Variants in SEPTIN14 observed in about 807,000 individuals in gnomAD.
The protein encoded by SEPTIN14 is septin-14.
In SEPTIN14, 40 loss-of-function variants were observed where a neutral mutation model predicts 53.6. The observed-to-expected ratio is 0.75, with a 90% CI of 0.58 to 0.97. The LOEUF is 0.97. Ranked by LOEUF, SEPTIN14 falls within the 50% of genes least tolerant of loss-of-function variation. SEPTIN14 has a pLI of 0.00. For synonymous variants in SEPTIN14, 138 were observed against 166.8 expected (o/e 0.83, Z 1.33); for missense variants, 471 against 508.2 (o/e 0.93, Z 0.70).
rs1311720756 is a variant in SEPTIN14, at chr7:55,805,400, A to G, written c.987-10T>C. 20 of 1,548,982 alleles carry G rather than the reference A, an allele frequency of 1.3e-5. No individual in the cohort carries two copies. The highest frequency in any genetic ancestry group is 1.6e-5 in the Non-Finnish European group (18 of 1,143,466). On this transcript the variant is annotated splice_polypyrimidine_tract_variant and intron_variant, in intron 8 of 9. Coordinates refer to ENST00000388975, the MANE Select transcript of SEPTIN14 (RefSeq NM_207366.3). ...AAAGATTTCTTGAAAACTAAAGAGA[A>G]ATGTTTTCTTAGTCTTATATTAAAA...
At chr7:55,828,602 C>A (rs1020755774) in intron 6 of SEPTIN14, among the ~76,000 whole-genome samples, 2 of 152,020 alleles carry the variant, frequency 1.3e-5, no homozygotes, top group Non-Finnish European at 2.9e-5. Flanking sequence ...CTGCACCCGG[C>A]CAGATGAAAG....
chr7:55,807,519 T>G (rs1788628682), intron 7 of SEPTIN14, among the ~76,000 whole-genome samples: 1 of 152,168 alleles, frequency 6.6e-6, no homozygotes, highest in South Asian at 2.1e-4. Flanking sequence ...TGAAATAATA[T>G]TTTATGTGCA....
At chr7:55,831,219 TAATGG>T (rs1349656291) in intron 6 of SEPTIN14, among the ~76,000 whole-genome samples, 2 of 151,948 alleles carry the variant, frequency 1.3e-5, no homozygotes, top group African/African-American at 4.8e-5. Context: ...ACAGACAGAT[TAATGG>T]AATGGAATAA....
At chr7:55,833,551 C>A (rs2116029741) in intron 6 of SEPTIN14, among the ~76,000 whole-genome samples, 1 of 151,766 alleles carries the variant, frequency 6.6e-6, no homozygotes, top group South Asian at 2.1e-4. Flanking sequence ...GTACTAAAAA[C>A]ACAAAAATTA....
Position 55,824,746 on chromosome 7 carries a change from G to A in SEPTIN14, c.721-5523C>T, listed in dbSNP as rs190777133. Among the ~76,000 whole-genome samples, 7 of 152,064 alleles carry A rather than the reference G, an allele frequency of 4.6e-5. No homozygotes were observed. In the South Asian group the frequency reaches 6.2e-4, roughly 14 times the overall value. ...GGAGGTTGCAGTGAGCCAAGATCAC[G>A]CCACTGCACTCCAGCCTGGGTGACA... is the stretch of plus-strand genomic sequence containing the variant. On this transcript the variant is annotated intron_variant, in intron 6 of 9. Transcript: ENST00000388975.
At chr7:55,823,131 C>G (rs1584259254) in intron 6 of SEPTIN14, among the ~76,000 whole-genome samples, 4 of 152,320 alleles carry the variant, frequency 2.6e-5, no homozygotes, top group African/African-American at 7.2e-5. Context: ...AAGTCAAATC[C>G]ATGGACTGGA....
At position 55,805,311 on chromosome 7, in the gene SEPTIN14, A is replaced by T. The variant is rs1788593741; in HGVS notation, c.1066T>A (p.Phe356Ile). The T allele has an allele frequency of 1.2e-6, 2 of 1,612,028 alleles. No homozygotes were observed. Among genetic ancestry groups the T allele is most frequent in the Non-Finnish European group, 1.7e-6 (2 of 1,178,824 alleles). The change falls in exon 9 of 10, where the codon TTT (phenylalanine) becomes ATT (isoleucine). Residue 356 changes from phenylalanine to isoleucine, a missense_variant. Coordinates refer to ENST00000388975, the MANE Select transcript of SEPTIN14 (RefSeq NM_207366.3). ...QREEEELKQR[F>I]MQRVKEKEAT... ...TCTTTCTCCTTGACTCGCTGCATAAATCTCTGTTTCAACTCTTCTTCTTCC... is the reference window on the plus strand; with the variant it reads ...TCTTTCTCCTTGACTCGCTGCATAATTCTCTGTTTCAACTCTTCTTCTTCC...
intron 2 of SEPTIN14, among the ~76,000 whole-genome samples, chr7:55,859,604 C>G (rs1789707570): frequency 6.6e-6 from 1 of 151,944 alleles, no homozygotes; most frequent in Non-Finnish European, 1.5e-5. Flanking sequence ...TATTATGATC[C>G]TAGTCACTCT....
intron 2 of SEPTIN14, among the ~76,000 whole-genome samples, chr7:55,859,706 C>T (rs1047077694): frequency 1.3e-5 from 2 of 151,892 alleles, no homozygotes; most frequent in South Asian, 2.1e-4. Flanking sequence ...ATGGAACTAC[C>T]GTATGATCTA....
At chr7:55,860,830 A>G (rs763185001) in intron 2 of SEPTIN14, among the ~76,000 whole-genome samples, 23 of 152,254 alleles carry the variant, frequency 1.5e-4, no homozygotes, top group South Asian at 4.1e-4. Flanking sequence ...CCATTTTTGA[A>G]GCAGAGAGTA....
intron 6 of SEPTIN14, among the ~76,000 whole-genome samples, chr7:55,825,874 G>A (rs1387327917): frequency 3.9e-5 from 6 of 151,944 alleles, no homozygotes; most frequent in East Asian, 1.9e-4. Flanking sequence ...AGGCCGAGGC[G>A]GGTGGATCAC....
chr7:55,812,440 G>A (rs971100331), intron 7 of SEPTIN14, among the ~76,000 whole-genome samples: 2 of 152,146 alleles, frequency 1.3e-5, no homozygotes, highest in African/African-American at 2.4e-5. Flanking sequence ...GGGAGACTGA[G>A]GGATGAGGAA....
intron 2 of SEPTIN14, among the ~76,000 whole-genome samples, chr7:55,856,937 G>A (rs1789638884): frequency 6.6e-6 from 1 of 151,718 alleles, no homozygotes; most frequent in African/African-American, 2.4e-5. Context: ...GCTGGGCGTG[G>A]TGCATGCCTG....
intron 4 of SEPTIN14, 62 bp downstream of exon 4, chr7:55,844,460 CA>C: frequency 1.2e-6 from 1 of 862,612 alleles, no homozygotes; most frequent in Admixed American, 2.5e-5. Context: ...TAGTCTATGG[CA>C]AAGGAAGTCA....
chr7:55,818,683 G>C (rs1788837630), intron 7 of SEPTIN14, among the ~76,000 whole-genome samples: 1 of 152,040 alleles, frequency 6.6e-6, no homozygotes, highest in South Asian at 2.1e-4. Context: ...GTTTTAAAAA[G>C]TTTATAACTC....
intron 9 of SEPTIN14, among the ~76,000 whole-genome samples, chr7:55,797,035 A>G (rs1788443035): frequency 6.6e-6 from 1 of 152,100 alleles, no homozygotes; most frequent in African/African-American, 2.4e-5. Flanking sequence ...AGGCAGGAGA[A>G]TCACTTGAAC....
At chr7:55,821,307 C>T (rs1400836876) in intron 6 of SEPTIN14, among the ~76,000 whole-genome samples, 1 of 152,152 alleles carries the variant, frequency 6.6e-6, no homozygotes, top group African/African-American at 2.4e-5. Context: ...GACTGGTGCT[C>T]CTCCTCACTG....
intron 7 of SEPTIN14, among the ~76,000 whole-genome samples, chr7:55,809,807 G>A (rs1584253483): frequency 6.9e-6 from 1 of 144,350 alleles, no homozygotes; most frequent in South Asian, 2.2e-4. Flanking sequence ...TTCTCCATAT[G>A]CTTGCCAGCA....
At position 55,793,677 on chromosome 7, in the gene SEPTIN14, CTA is replaced by C. The variant is rs1788378393; in HGVS notation, c.*2234_*2235del. 1 of 151,928 alleles carries C rather than the reference CTA, an allele frequency of 6.6e-6. No homozygotes were observed. Among genetic ancestry groups the C allele is most frequent in the Admixed American group, 6.6e-5 (1 of 15,240 alleles). 9.4% of individuals were successfully genotyped at this position (151,928 alleles called of 1,614,324 possible). ...CATCAATAACCTAAAAAGAGTAGAC[CTA>C]TATAGCAGTAGAATTTTGGTATGTG... On this transcript the variant is annotated 3_prime_UTR_variant, in exon 10 of 10. Coordinates refer to ENST00000388975, the MANE Select transcript of SEPTIN14 (RefSeq NM_207366.3).
Sources: gnomAD v4.1 joint callset for allele counts (sites outside exome capture counted in the v4.1 genomes callset) on GRCh38, gnomAD v4.1.1 for gene constraint, MANE v1.5 for transcripts, NCBI Gene and HGNC (gene_info 2026-07-23, HGNC 2026-07-21) for gene names.